The following BLTP3A variants were observed in gnomAD, a reference collection of about 807,000 sequenced individuals.
BLTP3A encodes the protein bridge-like lipid transfer protein family member 3A.
At chr6:34,829,602 C>T in the BLTP3A span, among the ~76,000 whole-genome samples, 1 of 151,926 alleles carries the variant, frequency 6.6e-6, no homozygotes, top group Non-Finnish European at 1.5e-5. Flanking sequence ...TGCCATAATC[C>T]ATTCTGTTGT....
the BLTP3A span, chr6:34,858,605 T>C: frequency 1.2e-6 from 2 of 1,614,006 alleles, no homozygotes; most frequent in Non-Finnish European, 1.7e-6. Flanking sequence ...GAGGGGAGGC[T>C]GAAACCATCA....
the BLTP3A span, chr6:34,858,751 A>G: frequency 7.4e-6 from 12 of 1,614,094 alleles, no homozygotes; most frequent in Non-Finnish European, 1.0e-5. Context: ...AGAAGGCAGT[A>G]GTGGTATGGA....
At chr6:34,863,970 C>T in the BLTP3A span, 1 of 1,551,272 alleles carries the variant, frequency 6.4e-7, no homozygotes, top group Non-Finnish European at 8.7e-7. Flanking sequence ...TCCAAAGCCA[C>T]ATTTGTGGTT....
At chr6:34,843,851 A>ATG in the BLTP3A span, among the ~76,000 whole-genome samples, 1 of 152,222 alleles carries the variant, frequency 6.6e-6, no homozygotes, top group African/African-American at 2.4e-5. Flanking sequence ...ACTAATTTAC[A>ATG]TTCCCACCAA....
At chr6:34,870,491 G>C in the BLTP3A span, among the ~76,000 whole-genome samples, 5 of 152,316 alleles carry the variant, frequency 3.3e-5, no homozygotes, top group Admixed American at 2.6e-4. Flanking sequence ...TTAGAGAAAG[G>C]AGGAGACATT....
the BLTP3A span, chr6:34,855,708 G>A: frequency 2.5e-6 from 4 of 1,613,298 alleles, no homozygotes; most frequent in Non-Finnish European, 3.4e-6. Flanking sequence ...GGGCAGGTTA[G>A]GAAAACTCTG....
chr6:34,823,476 A>C, the BLTP3A span: 1 of 696,864 alleles, frequency 1.4e-6, no homozygotes, highest in Non-Finnish European at 2.5e-6. Flanking sequence ...ATGGTATAAG[A>C]ACCTCCATAT....
chr6:34,858,408 C>A, the BLTP3A span: 1 of 1,614,202 alleles, frequency 6.2e-7, no homozygotes, highest in South Asian at 1.1e-5. Flanking sequence ...CCCTCCCTCC[C>A]CAGAGACCTA....
At chr6:34,805,333 CT>C in the BLTP3A span, among the ~76,000 whole-genome samples, 1 of 151,934 alleles carries the variant, frequency 6.6e-6, no homozygotes, top group Non-Finnish European at 1.5e-5. Flanking sequence ...TAGCTCACAC[CT>C]GTAATCCTAG....
At chr6:34,876,667 AG>A in the BLTP3A span, 1 of 152,240 alleles carries the variant, frequency 6.6e-6, no homozygotes, top group Non-Finnish European at 1.5e-5. Flanking sequence ...GATTTATCAT[AG>A]TCATTACTAA....
the BLTP3A span, among the ~76,000 whole-genome samples, chr6:34,796,721 T>C: frequency 6.6e-6 from 1 of 152,232 alleles, no homozygotes; most frequent in Non-Finnish European, 1.5e-5. Context: ...CAGATTCACC[T>C]TCCAGCCCTG....
At chr6:34,837,408 T>G in the BLTP3A span, among the ~76,000 whole-genome samples, 1 of 151,794 alleles carries the variant, frequency 6.6e-6, no homozygotes, top group East Asian at 1.9e-4. Flanking sequence ...AGAGATCAGC[T>G]GCAGTGGGCT....
chr6:34,793,739 G>A, the BLTP3A span, among the ~76,000 whole-genome samples: 7 of 152,116 alleles, frequency 4.6e-5, no homozygotes, highest in African/African-American at 1.7e-4. Context: ...TTTGGGGCAT[G>A]ACCAAAGATT....
chr6:34,856,089 C>G, the BLTP3A span: 3 of 1,204,674 alleles, frequency 2.5e-6, no homozygotes, highest in African/African-American at 3.0e-5. Context: ...AATGTGCAAC[C>G]TATCATTGGA....
At chr6:34,873,682 C>G in the BLTP3A span, 6 of 152,194 alleles carry the variant, frequency 3.9e-5, no homozygotes, top group African/African-American at 1.4e-4. Context: ...AGCTAACTTA[C>G]CTTTACTTGG....
the BLTP3A span, among the ~76,000 whole-genome samples, chr6:34,813,489 A>T: frequency 4.0e-4 from 61 of 152,340 alleles, no homozygotes; most frequent in Admixed American, 6.5e-4. Context: ...GGCAGAAATG[A>T]AACTTGATCA....
chr6:34,871,164 T>C, the BLTP3A span: 5 of 1,567,344 alleles, frequency 3.2e-6, no homozygotes, highest in East Asian at 9.0e-5. Context: ...CATTGGTTTT[T>C]GCCCTGGACT....
the BLTP3A span, among the ~76,000 whole-genome samples, chr6:34,799,698 A>G: frequency 6.6e-6 from 1 of 152,232 alleles, no homozygotes. Context: ...TCTAAGCTAG[A>G]CATTCAGCAA....
At chr6:34,818,010 C>T in the BLTP3A span, among the ~76,000 whole-genome samples, 2 of 152,030 alleles carry the variant, frequency 1.3e-5, no homozygotes, top group East Asian at 1.9e-4. Context: ...TGCGCCACCA[C>T]GACCGGCTAA....
Sources: allele counts gnomAD v4.1 joint callset (sites outside exome capture counted in the v4.1 genomes callset), GRCh38; gene constraint gnomAD v4.1.1; transcripts MANE v1.5; gene names NCBI Gene and HGNC (gene_info 2026-07-23, HGNC 2026-07-21).